Variants in DNAH11 observed in about 807,000 individuals in gnomAD.
DNAH11 encodes dynein axonemal heavy chain 11.
A neutral mutation model predicts 526.0 loss-of-function variants in DNAH11; 442 were observed. The ratio of observed to expected loss-of-function variants is 0.84; its 90% confidence interval spans 0.78 to 0.91. The LOEUF is 0.91. DNAH11 is among the 40% of genes least tolerant of loss of function. The pLI is 0.00. For synonymous variants in DNAH11, 2,461 were observed against 1,935.9 expected, an observed-to-expected ratio of 1.27 and a Z score of -7.12; for missense variants, 6,989 against 5,448.7, an observed-to-expected ratio of 1.28 and a Z score of -8.90.
intron 40 of DNAH11, among the ~76,000 whole-genome samples, chr7:21,708,860 A>G (rs964539701): frequency 2.0e-5 from 3 of 152,202 alleles, no homozygotes; most frequent in African/African-American, 7.2e-5. Flanking sequence ...GCAGATCTAA[A>G]GTAGAAATAC....
chr7:21,552,580 A>C (rs1783062752), intron 2 of DNAH11, among the ~76,000 whole-genome samples: 1 of 152,206 alleles, frequency 6.6e-6, no homozygotes, highest in Admixed American at 6.5e-5. Flanking sequence ...TCTTCTCCCC[A>C]GAAATTAAAA....
intron 44 of DNAH11, among the ~76,000 whole-genome samples, chr7:21,724,326 A>T (rs1245260406): frequency 6.6e-6 from 1 of 152,188 alleles, no homozygotes; most frequent in African/African-American, 2.4e-5. Flanking sequence ...TGGTAGAAGG[A>T]TGCTCTCAGC....
At chr7:21,604,886 C>T (rs917243092) in intron 18 of DNAH11, among the ~76,000 whole-genome samples, 3 of 151,974 alleles carry the variant, frequency 2.0e-5, no homozygotes, top group African/African-American at 4.8e-5. Flanking sequence ...GTACAGAGGG[C>T]GGATGCAGAG....
chr7:21,575,638 C>G (rs1784061536), intron 8 of DNAH11, among the ~76,000 whole-genome samples: 1 of 152,168 alleles, frequency 6.6e-6, no homozygotes, highest in Non-Finnish European at 1.5e-5. Flanking sequence ...AAGGTAACAT[C>G]TGTAAAAACT....
At chr7:21,751,538 T>C (rs1786412153) in intron 54 of DNAH11, among the ~76,000 whole-genome samples, 1 of 152,200 alleles carries the variant, frequency 6.6e-6, no homozygotes, top group African/African-American at 2.4e-5. Context: ...GGCTTTCTAG[T>C]ATGGAAACTA....
rs370436662 is a variant in DNAH11, at chr7:21,601,464, A to G, written c.3494A>G (p.Asp1165Gly). The part of the protein sequence containing the change: ...SGLQRELNEG[D>G]HDGLVDIMVH... ...CTTCAGAGAGAATTAAATGAAGGTG[A>G]TCATGATGGTTTAGTTGACATCATG... The change falls in exon 18 of 82, where the codon GAT becomes GGT. Residue 1165 changes from aspartate to glycine, a missense_variant. Coordinates refer to ENST00000409508, the MANE Select transcript of DNAH11 (RefSeq NM_001277115.2). 1.4e-4 allele frequency: 229 copies of G among 1,613,744 alleles called. 1 individual carries two copies. The highest frequency in any genetic ancestry group is 1.8e-4 in the Non-Finnish European group (210 of 1,179,830).
intron 37 of DNAH11, 29 bp from the exon 38 acceptor site, chr7:21,704,405 G>T: frequency 6.3e-7 from 1 of 1,583,732 alleles, no homozygotes; most frequent in Middle Eastern, 1.7e-4. Flanking sequence ...CCTTGTATTG[G>T]CTTTTTTATA....
At chr7:21,823,186 A>C (rs1184054552) in intron 65 of DNAH11, among the ~76,000 whole-genome samples, 2 of 151,996 alleles carry the variant, frequency 1.3e-5, no homozygotes, top group African/African-American at 4.8e-5. Context: ...CTTATCCCCA[A>C]AATCTTTTAA....
chr7:21,778,416 A>G (rs1562540143), intron 56 of DNAH11, among the ~76,000 whole-genome samples: 1 of 152,192 alleles, frequency 6.6e-6, no homozygotes, highest in Admixed American at 6.5e-5. Flanking sequence ...GAGGTGAAAA[A>G]AATCAAGAGG....
At position 21,894,821 on chromosome 7, in the gene DNAH11, G is replaced by C; in HGVS notation, c.12933+16G>C. On this transcript the variant is annotated intron_variant, in intron 78 of 81. Transcript: ENST00000409508. ...TAGTTTGAAGGTAAGCTTAAAGTGA[G>C]GCTATAGTAGACTTCAGCACATTGG... 1.2e-6 allele frequency: 2 copies of C among 1,609,668 alleles called. No individual in the cohort carries two copies. The highest frequency in any genetic ancestry group is 8.5e-7 in the Non-Finnish European group (1 of 1,177,160).
At chr7:21,803,883 AGTG>A (rs1246937582) in intron 62 of DNAH11, among the ~76,000 whole-genome samples, 1 of 151,558 alleles carries the variant, frequency 6.6e-6, no homozygotes, top group Non-Finnish European at 1.5e-5. Context: ...AGTCTGGAAA[AGTG>A]GGGAATGGGG....
At chr7:21,681,802 A>T (rs72657331) in intron 31 of DNAH11, 125 bp downstream of exon 31, 41,173 of 1,236,834 alleles carry the variant, frequency 0.033, 821 homozygotes, top group Admixed American at 0.05. Flanking sequence ...AGTCCTGAAA[A>T]GTTGTGTTTG....
chr7:21,813,783 C>A (rs749586330), intron 63 of DNAH11, among the ~76,000 whole-genome samples: 2 of 152,150 alleles, frequency 1.3e-5, no homozygotes, highest in Non-Finnish European at 2.9e-5. Context: ...TTAGATGGAG[C>A]CTTACAACAG....
chr7:21,763,246 G>T (rs1787001916), intron 54 of DNAH11, among the ~76,000 whole-genome samples: 2 of 150,044 alleles, frequency 1.3e-5, no homozygotes. Context: ...GGAGGCTGAG[G>T]CAGGAGAATC....
Position 21,716,691 on chromosome 7 carries a change from C to A in DNAH11, c.6984-1084C>A, listed in dbSNP as rs150177949. Among the ~76,000 whole-genome samples the A allele has an allele frequency of 4.1e-3, 630 of 152,284 alleles. 7 individuals are homozygous for A. The highest frequency in any genetic ancestry group is 0.014 in the African/African-American group (599 of 41,552). On this transcript the variant is annotated intron_variant, in intron 42 of 81. Coordinates refer to ENST00000409508, the MANE Select transcript of DNAH11 (RefSeq NM_001277115.2). ...ATTCCTTTGTCCCCAGGCACTGACA[C>A]CTGCTTTCCATTGTTCCGCGGTTCC... is the stretch of plus-strand genomic sequence containing the variant.
chr7:21,587,520 G>T (rs541662665), intron 9 of DNAH11, among the ~76,000 whole-genome samples: 1 of 152,148 alleles, frequency 6.6e-6, no homozygotes, highest in Non-Finnish European at 1.5e-5. Context: ...TGGAGTGGTT[G>T]TCCTTGTAAC....
In DNAH11 at chr7:21,591,298, G is replaced by C. The variant is rs771017427; in HGVS notation, c.2388G>C (p.Leu796=). 10 of 1,613,620 alleles carry C rather than the reference G, an allele frequency of 6.2e-6. No homozygotes were observed. In the East Asian group the frequency reaches 1.3e-4, roughly 22 times the overall value. Residue 796 remains leucine (L), a synonymous_variant, in exon 14 of 82, where the codon CTG becomes CTC. Coordinates refer to ENST00000409508, the MANE Select transcript of DNAH11 (RefSeq NM_001277115.2). ...EDELRAIDEQ[L]TAATTWLTWQ... is the part of the protein sequence containing the mutation. ...AGCTGAGGGCTATTGACGAGCAGCT[G>C]ACAGCAGCCACAACGTGGCTGACAT...
rs1021851433 is a variant in DNAH11 at position 21,819,186 on chromosome 7, A to G, written c.10691+847A>G. The stretch of plus-strand genomic sequence containing the variant: ...CTCTTCTTTTTTTCTTCAAAGATAT[A>G]TAATTTCAGAACTTCCCCCACCCTG... On this transcript the variant is annotated intron_variant, in intron 65 of 81. Coordinates refer to ENST00000409508, the MANE Select transcript of DNAH11 (RefSeq NM_001277115.2). Among the ~76,000 whole-genome samples, 5 of 152,128 alleles carry G rather than the reference A, an allele frequency of 3.3e-5. 1 individual carries two copies. Among genetic ancestry groups the G allele is most frequent in the African/African-American group, 4.8e-5 (2 of 41,412 alleles).
chr7:21,603,238 C>T (rs1329129109), intron 18 of DNAH11, among the ~76,000 whole-genome samples: 3 of 152,202 alleles, frequency 2.0e-5, no homozygotes, highest in African/African-American at 7.2e-5. Context: ...GTTGGTACTT[C>T]ATTTCTTTTT....
Sources: gnomAD v4.1 joint callset for allele counts (sites outside exome capture counted in the v4.1 genomes callset) on GRCh38, gnomAD v4.1.1 for gene constraint, MANE v1.5 for transcripts, NCBI Gene and HGNC (gene_info 2026-07-23, HGNC 2026-07-21) for gene names.